Variants in DGKI observed in about 807,000 individuals in gnomAD.
The protein encoded by DGKI is DAG kinase iota.
DGKI carries 55 observed loss-of-function variants against 147.5 expected under a neutral mutation model. The observed-to-expected ratio is 0.37, with a 90% CI of 0.30 to 0.47. The LOEUF is 0.47. Ranked by LOEUF, DGKI falls within the 20% of genes least tolerant of loss-of-function variation. DGKI has a pLI of 1.00. For synonymous variants in DGKI, 469 were observed against 477.1 expected, an observed-to-expected ratio of 0.98 and a Z score of 0.22; for missense variants, 1,007 against 1,323.8, an observed-to-expected ratio of 0.76 and a Z score of 3.71.
chr7:137,566,310 A>G, intron 19 of DGKI, among the ~76,000 whole-genome samples: 1 of 152,136 alleles, frequency 6.6e-6, no homozygotes, highest in South Asian at 2.1e-4. Flanking sequence ...TAAGCAATAT[A>G]GTAGTTCAAG....
intron 3 of DGKI, among the ~76,000 whole-genome samples, chr7:137,668,710 T>C (rs182153394): frequency 6.6e-6 from 1 of 152,288 alleles, no homozygotes; most frequent in East Asian, 1.9e-4. Flanking sequence ...AAGTGGTGTG[T>C]GCTGTAAAAG....
At chr7:137,814,061 A>G (rs1455148248) in intron 1 of DGKI, among the ~76,000 whole-genome samples, 2 of 152,156 alleles carry the variant, frequency 1.3e-5, no homozygotes, top group African/African-American at 2.4e-5. Flanking sequence ...CTATCGATCA[A>G]TGGTTTGTCC....
chr7:137,386,501 G>C lies in DGKI; in HGVS notation c.*4719C>G, dbSNP rs1009935335. ...ATGATCAAGGTCAGTGGACATCCAT[G>C]TGTCCTTTGAGTAAAAGGTATACTT... On this transcript the variant is annotated 3_prime_UTR_variant, in exon 33 of 33. Coordinates refer to ENST00000614521, the MANE Select transcript of DGKI (RefSeq NM_001321708.2). 6.6e-6 allele frequency: 1 copy of C among 152,164 alleles called. No homozygotes were observed. The highest frequency in any genetic ancestry group is 1.9e-4 in the East Asian group (1 of 5,202). The allele number at this position is 152,164 out of a possible 1,614,324, so 9.4% of individuals were successfully genotyped here.
intron 19 of DGKI, among the ~76,000 whole-genome samples, chr7:137,556,398 AG>A (rs1472792732): frequency 6.6e-6 from 1 of 152,136 alleles, no homozygotes; most frequent in Non-Finnish European, 1.5e-5. Flanking sequence ...AGAAAAAAAA[AG>A]AATTAAAAGA....
chr7:137,623,942 A>G (rs762384529), intron 6 of DGKI, among the ~76,000 whole-genome samples: 1 of 152,154 alleles, frequency 6.6e-6, no homozygotes, highest in Non-Finnish European at 1.5e-5. Flanking sequence ...CAGAGGGTCT[A>G]TACAACTTTA....
At chr7:137,613,873 C>T (rs1392629242) in intron 8 of DGKI, among the ~76,000 whole-genome samples, 1 of 152,132 alleles carries the variant, frequency 6.6e-6, no homozygotes, top group African/African-American at 2.4e-5. Context: ...TTATTAAAAA[C>T]ACACACCCTT....
Position 137,526,875 on chromosome 7 carries a change from C to T in DGKI, c.2148-4909G>A, listed in dbSNP as rs527760370. Among the ~76,000 whole-genome samples, 26 of 152,190 alleles carry T rather than the reference C, an allele frequency of 1.7e-4. No homozygotes were observed. The South Asian group carries it at 3.1e-3, about 18-fold the overall frequency. ...CTATTCCTCTCGGACTGATAAGAGA[C>T]GCCTCTCATCCAATCTCCCACCCAG... On this transcript the variant is annotated intron_variant, in intron 20 of 32. Coordinates refer to ENST00000614521, the MANE Select transcript of DGKI (RefSeq NM_001321708.2).
At chr7:137,617,328 G>C (rs1184219043) in intron 8 of DGKI, among the ~76,000 whole-genome samples, 4 of 151,828 alleles carry the variant, frequency 2.6e-5, no homozygotes, top group Admixed American at 6.6e-5. Flanking sequence ...CAAATAACAG[G>C]GGGTATTGTT....
chr7:137,666,017 T>C (rs1822627547), intron 3 of DGKI, among the ~76,000 whole-genome samples: 2 of 152,186 alleles, frequency 1.3e-5, no homozygotes, highest in African/African-American at 4.8e-5. Flanking sequence ...TTACAAAGAA[T>C]GATACATCCA....
intron 21 of DGKI, among the ~76,000 whole-genome samples, chr7:137,494,950 A>G (rs1311671029): frequency 1.3e-5 from 2 of 151,954 alleles, no homozygotes; most frequent in Admixed American, 6.6e-5. Flanking sequence ...ATGACACACA[A>G]AACATCTACC....
intron 1 of DGKI, among the ~76,000 whole-genome samples, chr7:137,726,450 G>A (rs1464450007): frequency 1.3e-5 from 2 of 152,016 alleles, no homozygotes; most frequent in Admixed American, 6.6e-5. Flanking sequence ...AGATAATTCC[G>A]TAGTTACCAA....
intron 1 of DGKI, among the ~76,000 whole-genome samples, chr7:137,753,891 A>G (rs1795593548): frequency 6.6e-6 from 1 of 152,174 alleles, no homozygotes; most frequent in African/African-American, 2.4e-5. Context: ...ATATAAATAA[A>G]AAAAGGACAC....
At chr7:137,429,586 C>A (rs943299190) in intron 28 of DGKI, among the ~76,000 whole-genome samples, 2 of 151,040 alleles carry the variant, frequency 1.3e-5, no homozygotes, top group African/African-American at 4.9e-5. Flanking sequence ...TTCTGCACAG[C>A]AAAAAAAACT....
At chr7:137,539,696 T>A in intron 20 of DGKI, among the ~76,000 whole-genome samples, 2 of 148,366 alleles carry the variant, frequency 1.3e-5, no homozygotes, top group Admixed American at 6.7e-5. Context: ...TAGAAAAAAA[T>A]GGGAAAAAAA....
chr7:137,766,650 A>C (rs962108106), intron 1 of DGKI, among the ~76,000 whole-genome samples: 3 of 152,176 alleles, frequency 2.0e-5, no homozygotes, highest in African/African-American at 7.2e-5. Context: ...CCCACTCAGC[A>C]CACCCAGGGC....
chr7:137,697,451 T>G (rs1347518920), intron 1 of DGKI, among the ~76,000 whole-genome samples: 1 of 152,164 alleles, frequency 6.6e-6, no homozygotes, highest in African/African-American at 2.4e-5. Flanking sequence ...AAAGTCAAAG[T>G]ATAAATAAGA....
chr7:137,647,824 C>T (rs1821883061), intron 5 of DGKI, among the ~76,000 whole-genome samples: 1 of 152,198 alleles, frequency 6.6e-6, no homozygotes, highest in African/African-American at 2.4e-5. Context: ...CAGCTGCCAA[C>T]TGCAGCATAT....
At position 137,390,966 on chromosome 7, in the gene DGKI, A is replaced by C; in HGVS notation, c.*254T>G. 2.1e-6 allele frequency: 1 copy of C among 485,762 alleles called. No homozygotes were observed. The highest frequency in any genetic ancestry group is 2.3e-5 in the South Asian group (1 of 42,938). The allele number at this position is 485,762 out of a possible 1,614,324, so 30.1% of individuals were successfully genotyped here. A position where few individuals can be genotyped will look rare whatever the true frequency, so the allele number is the denominator to read the frequency against. ...AAGTTCATGCTACTTGCTGGAAGCA[A>C]TAAGGATCAAATTTTGTGGAACTCG... is the stretch of plus-strand genomic sequence containing the variant. On this transcript the variant is annotated 3_prime_UTR_variant, in exon 33 of 33. Transcript: ENST00000614521.
At chr7:137,598,284 T>C (rs1358896193) in intron 11 of DGKI, among the ~76,000 whole-genome samples, 1 of 152,224 alleles carries the variant, frequency 6.6e-6, no homozygotes, top group Non-Finnish European at 1.5e-5. Context: ...TCATCATTAA[T>C]TGATAATCAG....
Sources: gnomAD v4.1 joint callset for allele counts (sites outside exome capture counted in the v4.1 genomes callset) on GRCh38, gnomAD v4.1.1 for gene constraint, MANE v1.5 for transcripts, NCBI Gene and HGNC (gene_info 2026-07-23, HGNC 2026-07-21) for gene names.